The following COX20 variants were observed in gnomAD, a reference collection of about 807,000 sequenced individuals.
COX20 encodes cytochrome c oxidase assembly factor COX20.
COX20 carries 14 observed loss-of-function variants against 14.3 expected under a neutral mutation model. The observed-to-expected ratio is 0.98, with a 90% confidence interval of 0.65 to 1.53. The LOEUF (loss-of-function observed/expected upper bound fraction) is 1.53. Ranked by LOEUF, COX20 falls within the 40% of genes most tolerant of loss-of-function variation. COX20 has a pLI of 0.00. For missense variants in COX20, 149 were observed against 142.1 expected, an observed-to-expected ratio of 1.05 and a Z score of -0.25; for synonymous variants, 56 against 51.7, an observed-to-expected ratio of 1.08 and a Z score of -0.36.
rs1680239159 is a variant in COX20 at position 244,842,276 on chromosome 1, TC to T, written c.221+19del. ...GGATGCTGGTATGTTTGCTAAGTAT[TC>T]AAGAACATCCATGATTATAGTAGGT... is the stretch of plus-strand genomic sequence containing the variant. On this transcript the variant is annotated intron_variant, in intron 3 of 3. Transcript: ENST00000411948. 1 of 1,539,536 alleles carries T rather than the reference TC, an allele frequency of 6.5e-7. No homozygotes were observed. Among genetic ancestry groups the T allele is most frequent in the South Asian group, 1.1e-5 (1 of 89,560 alleles).
At chr1:244,842,147 T>C (rs1191480204) in intron 2 of COX20, 48 bp from the exon 3 acceptor site, 1 of 1,446,622 alleles carries the variant, frequency 6.9e-7, no homozygotes, top group Admixed American at 1.7e-5. Context: ...TGGAGTAATG[T>C]ATATAACGTA....
intron 1 of COX20, chr1:244,840,079 G>A (rs926564401): frequency 6.6e-6 from 1 of 152,128 alleles, no homozygotes. Flanking sequence ...TAAATAAGAT[G>A]TGTAGCTTCT....
intron 1 of COX20, chr1:244,839,673 T>C (rs1459542791): frequency 6.6e-6 from 1 of 152,222 alleles, no homozygotes; most frequent in African/African-American, 2.4e-5. Flanking sequence ...CAGGCTCAAG[T>C]CGTTGCATAT....
At chr1:244,841,799 C>G in intron 1 of COX20, 145 bp from the exon 2 acceptor site, 1 of 585,580 alleles carries the variant, frequency 1.7e-6, no homozygotes. Flanking sequence ...AAAGACAACG[C>G]AAGCTGATTT....
Position 244,844,693 on chromosome 1 carries a change from A to C in COX20, c.*1517A>C, listed in dbSNP as rs1445401004. ...GAATCACTTGAACCCGAGGTGGGGC[A>C]GGCGGAGGTTGCAGTAAGCCAAGAT... On this transcript the variant is annotated 3_prime_UTR_variant, in exon 4 of 4. Transcript: ENST00000411948. 1 of 151,956 alleles carries C rather than the reference A, an allele frequency of 6.6e-6. No individual in the cohort carries two copies. Among genetic ancestry groups the C allele is most frequent in the Non-Finnish European group, 1.5e-5 (1 of 68,050 alleles). 9.4% of individuals were successfully genotyped at this position (151,956 alleles called of 1,614,324 possible). A position where few individuals can be genotyped will look rare whatever the true frequency, so the allele number is the denominator to read the frequency against.
At position 244,842,185 on chromosome 1, in the gene COX20, AT is replaced by A; in HGVS notation, c.158-5del. 1.3e-6 allele frequency: 2 copies of A among 1,584,988 alleles called. No homozygotes were observed. Among genetic ancestry groups the A allele is most frequent in the Non-Finnish European group, 1.7e-6 (2 of 1,156,294 alleles). ...TATATTCTAATTAATTGTTATGCTT[AT>A]TTTTACAGGTAGAATTAGAAGATCA... is the stretch of plus-strand genomic sequence containing the variant. On this transcript the variant is annotated splice_polypyrimidine_tract_variant and intron_variant, in intron 2 of 3. Transcript: ENST00000411948.
intron 1 of COX20, chr1:244,836,459 CT>C (rs1191818325): frequency 1.3e-6 from 2 of 1,548,620 alleles, no homozygotes; most frequent in African/African-American, 2.7e-5. Context: ...CCAAAGCTGA[CT>C]TACGTACTTT....
At chr1:244,838,362 T>A (rs1431091982) in intron 1 of COX20, among the ~76,000 whole-genome samples, 1 of 152,164 alleles carries the variant, frequency 6.6e-6, no homozygotes, top group African/African-American at 2.4e-5. Context: ...AGGGTTTGAT[T>A]TAGAAATCTG....
intron 1 of COX20, chr1:244,840,723 T>C (rs921333765): frequency 2.0e-5 from 3 of 152,216 alleles, no homozygotes; most frequent in East Asian, 1.9e-4. Context: ...AAAGCAAACA[T>C]AGGCAGAAAT....
intron 3 of COX20, 98 bp downstream of exon 3, chr1:244,842,356 C>G: frequency 5.0e-6 from 4 of 806,186 alleles, no homozygotes; most frequent in African/African-American, 1.7e-5. Flanking sequence ...ATTGGGAGAT[C>G]CTCACCCTCA....
At chr1:244,839,050 A>G (rs886502096) in intron 1 of COX20, among the ~76,000 whole-genome samples, 1 of 152,218 alleles carries the variant, frequency 6.6e-6, no homozygotes, top group African/African-American at 2.4e-5. Context: ...TTGGCCTCCC[A>G]AAGTGCTGGG....
upstream of COX20, chr1:244,835,536 C>G (rs1679935280): frequency 2.5e-6 from 1 of 407,366 alleles, no homozygotes; most frequent in African/African-American, 2.1e-5. Flanking sequence ...ACATGACAGC[C>G]CGGCCCCGTG....
At chr1:244,835,588 CCGGCGCGTCGGAACAGGGCGGGAGGCGG>C (rs1232591639), upstream of COX20, 66 of 641,268 alleles carry the variant, frequency 1.0e-4, no homozygotes, top group South Asian at 1.5e-4. Context: ...AAAATGGCGG[CCGGCGCGTCGGAACAGGGCGGGAGGCGG>C]CGGCGCGTGG....
rs551560975 is a variant in COX20, at chr1:244,835,797, G to A, written c.42+41G>A. 259 of 1,242,298 alleles carry A rather than the reference G, an allele frequency of 2.1e-4. 4 individuals are homozygous for A. The South Asian group carries it at 7.4e-3, about 36-fold the overall frequency. The allele number at this position is 1,242,298 out of a possible 1,614,324, so 77.0% of individuals were successfully genotyped here. A position where few individuals can be genotyped will look rare whatever the true frequency, so the allele number is the denominator to read the frequency against. ...GCGGGGCGCGCGCCGCGGGTGGGCGGTGGGTAAGGACGTTCTCCGCGGAGC... is the reference window on the plus strand; with the variant it reads ...GCGGGGCGCGCGCCGCGGGTGGGCGATGGGTAAGGACGTTCTCCGCGGAGC... On this transcript the variant is annotated intron_variant, in intron 1 of 3. Transcript: ENST00000411948.
At chr1:244,836,624 C>A (rs1310488658) in intron 1 of COX20, 11 of 1,066,018 alleles carry the variant, frequency 1.0e-5, no homozygotes, top group Admixed American at 2.5e-5. Context: ...AAGAATAATG[C>A]AAGAGGAAAA....
chr1:244,835,931 G>A (rs1323570896), intron 1 of COX20, among the ~76,000 whole-genome samples, 175 bp downstream of exon 1: 3 of 152,166 alleles, frequency 2.0e-5, no homozygotes, highest in African/African-American at 7.2e-5. Context: ...AATCTAAGTG[G>A]CCGGGACAAA....
rs1040459730 is a variant in COX20, at chr1:244,843,349, A to G, written c.*173A>G. 4.1e-5 allele frequency: 26 copies of G among 640,738 alleles called. No individual in the cohort carries two copies. In the African/African-American group the frequency reaches 4.1e-4, roughly 10 times the overall value. The allele number at this position is 640,738 out of a possible 1,614,324, so 39.7% of individuals were successfully genotyped here. On this transcript the variant is annotated 3_prime_UTR_variant, in exon 4 of 4. Coordinates refer to ENST00000411948, the MANE Select transcript of COX20 (RefSeq NM_198076.6). ...TTATTCTGGCCCTGTGTCTACTGCCAGGATAGCATTCTTACGTGTTACATA... is the reference window on the plus strand; with the variant it reads ...TTATTCTGGCCCTGTGTCTACTGCCGGGATAGCATTCTTACGTGTTACATA...
chr1:244,843,469 TGTA>T lies in COX20; in HGVS notation c.*300_*302del, dbSNP rs1428213422. 1.6e-5 allele frequency: 5 copies of T among 310,926 alleles called. No homozygotes were observed. The highest frequency in any genetic ancestry group is 9.0e-5 in the African/African-American group (4 of 44,300). 19.3% of individuals were successfully genotyped at this position (310,926 alleles called of 1,614,324 possible). On this transcript the variant is annotated 3_prime_UTR_variant, in exon 4 of 4. Transcript: ENST00000411948. ...GTGTTTAATGTACTTGGAGTTTCCT[TGTA>T]GTAGTAAGTATAGAGTTTGATGATA... is the stretch of plus-strand genomic sequence containing the variant.
At chr1:244,836,418 G>C (rs1679985501) in intron 1 of COX20, 1 of 1,389,774 alleles carries the variant, frequency 7.2e-7, no homozygotes, top group Non-Finnish European at 1.0e-6. Flanking sequence ...GCTAAACCAA[G>C]CGCTCTCCCT....
Sources: allele counts gnomAD v4.1 joint callset (sites outside exome capture counted in the v4.1 genomes callset), GRCh38; gene constraint gnomAD v4.1.1; transcripts MANE v1.5; gene names NCBI Gene and HGNC (gene_info 2026-07-23, HGNC 2026-07-21).